Variants in SOX5 observed in about 807,000 individuals in gnomAD.
SOX5 encodes SRY-box transcription factor 5.
In SOX5, 9 loss-of-function variants were observed where a neutral mutation model predicts 92.0. That is an observed-to-expected ratio of 0.10 (90% CI 0.06 to 0.17). The LOEUF is 0.17. Among genes scored for constraint, SOX5 ranks in the 10% least tolerant of loss-of-function variants. SOX5 has a pLI of 1.00. For synonymous variants in SOX5, 344 were observed against 336.3 expected, an observed-to-expected ratio of 1.02 and a Z score of -0.25; for missense variants, 642 against 944.5, an observed-to-expected ratio of 0.68 and a Z score of 4.20.
At chr12:23,906,551 G>C (rs1196062214) in intron 1 of SOX5, among the ~76,000 whole-genome samples, 1 of 152,184 alleles carries the variant, frequency 6.6e-6, no homozygotes, top group Admixed American at 6.5e-5. Flanking sequence ...CAGCGTGAAA[G>C]TGCTCACCTC....
At chr12:23,846,240 G>A (rs376379687) in intron 2 of SOX5, 47 bp from the exon 3 acceptor site, 4 of 1,361,852 alleles carry the variant, frequency 2.9e-6, no homozygotes, top group South Asian at 1.2e-5. Flanking sequence ...CTGAAAGAGA[G>A]AGCAAAAGGA....
rs567178135 is a variant in SOX5, at chr12:24,137,825, C to T, written c.-2+75518G>A. 9.1e-4 allele frequency among the ~76,000 whole-genome samples: 138 copies of T among 152,262 alleles called. 1 individual carries two copies. Among genetic ancestry groups the T allele is most frequent in the African/African-American group, 3.1e-3 (129 of 41,564 alleles). ...GCCTGCAAGAATCAGTAAAAAGACA[C>T]GTAAAGTTCAAAGCAATTGGCCGTA... On this transcript the variant is annotated intron_variant, in intron 4 of 4. Transcript: ENST00000446891.
intron 4 of SOX5, among the ~76,000 whole-genome samples, chr12:24,166,849 T>C (rs1953471922): frequency 6.6e-6 from 1 of 152,192 alleles, no homozygotes; most frequent in Non-Finnish European, 1.5e-5. Context: ...AGTGTTGTCT[T>C]TTTGTCACCT....
At position 23,538,145 on chromosome 12, in the gene SOX5, C is replaced by T. The variant is rs562815009; in HGVS notation, c.1772-1476G>A. Among the ~76,000 whole-genome samples, 7 of 152,180 alleles carry T rather than the reference C, an allele frequency of 4.6e-5. No individual in the cohort carries two copies. In the East Asian group the frequency reaches 1.4e-3, roughly 29 times the overall value. On this transcript the variant is annotated intron_variant, in intron 13 of 14. Coordinates refer to ENST00000451604, the MANE Select transcript of SOX5 (RefSeq NM_006940.6). ...CTTTCGAATGAGTTCATTACTCACC[C>T]GTAACTCCCTATCTTAAATGCAAAT...
At chr12:24,365,211 G>T (rs776362867) in intron 2 of SOX5, among the ~76,000 whole-genome samples, 13 of 152,034 alleles carry the variant, frequency 8.6e-5, no homozygotes, top group Non-Finnish European at 1.8e-4. Context: ...AAAATATCTG[G>T]TAAACAAGGA....
intron 4 of SOX5, among the ~76,000 whole-genome samples, chr12:24,109,165 G>A (rs1156545926): frequency 1.3e-5 from 2 of 152,106 alleles, no homozygotes; most frequent in East Asian, 3.8e-4. Flanking sequence ...TATTTTGAGA[G>A]TATGTCTTTA....
intron 4 of SOX5, among the ~76,000 whole-genome samples, chr12:23,981,196 G>A (rs1949540006): frequency 6.6e-6 from 1 of 151,732 alleles, no homozygotes; most frequent in African/African-American, 2.4e-5. Flanking sequence ...CTCCCTTAGA[G>A]GCCTGCCAAA....
chr12:23,854,691 C>A (rs1356973188), intron 2 of SOX5, among the ~76,000 whole-genome samples: 1 of 152,034 alleles, frequency 6.6e-6, no homozygotes, highest in African/African-American at 2.4e-5. Context: ...ATGGGTTAAG[C>A]ACAGAGAATT....
intron 4 of SOX5, among the ~76,000 whole-genome samples, chr12:24,062,131 A>C (rs764132487): frequency 6.6e-6 from 1 of 152,214 alleles, no homozygotes; most frequent in African/African-American, 2.4e-5. Flanking sequence ...TGACATCCCA[A>C]TAAGATAGTT....
chr12:24,553,462 C>T lies in SOX5; in HGVS notation c.-251+8867G>A, dbSNP rs548485446. On this transcript the variant is annotated intron_variant, in intron 1 of 4. Transcript: ENST00000446891. ...TCCCCATCGTGCAGGGCTGCCTTGA[C>T]TCAATATGAAACTCATCTTGCAAAC... 6.6e-5 allele frequency among the ~76,000 whole-genome samples: 10 copies of T among 152,318 alleles called. No homozygotes were observed. The East Asian group carries it at 1.9e-3, about 29-fold the overall frequency.
At chr12:24,287,082 A>G (rs1373566909) in intron 2 of SOX5, among the ~76,000 whole-genome samples, 1 of 152,138 alleles carries the variant, frequency 6.6e-6, no homozygotes. Flanking sequence ...CTAGTCCCCG[A>G]AGTTCAGGTG....
At chr12:23,877,717 T>A (rs2096943051) in intron 2 of SOX5, among the ~76,000 whole-genome samples, 1 of 152,130 alleles carries the variant, frequency 6.6e-6, no homozygotes, top group African/African-American at 2.4e-5. Flanking sequence ...AATTGCTTTC[T>A]AAATTGATTT....
chr12:23,619,330 T>G (rs547587982), intron 8 of SOX5, among the ~76,000 whole-genome samples: 1 of 152,166 alleles, frequency 6.6e-6, no homozygotes, highest in African/African-American at 2.4e-5. Context: ...GTGAGACATG[T>G]CCATGTCATA....
chr12:23,584,016 C>G (rs749149627), intron 9 of SOX5, among the ~76,000 whole-genome samples: 24 of 152,122 alleles, frequency 1.6e-4, no homozygotes, highest in Non-Finnish European at 2.9e-4. Context: ...TGATCAAATT[C>G]TACTATCATC....
At chr12:23,823,735 G>A (rs996428247) in intron 3 of SOX5, among the ~76,000 whole-genome samples, 8 of 152,106 alleles carry the variant, frequency 5.3e-5, no homozygotes, top group Admixed American at 1.3e-4. Flanking sequence ...TATTCTCCCC[G>A]CCACTTTCAG....
At chr12:23,701,442 C>A (rs184657082) in intron 6 of SOX5, among the ~76,000 whole-genome samples, 1 of 151,974 alleles carries the variant, frequency 6.6e-6, no homozygotes, top group East Asian at 1.9e-4. Flanking sequence ...CTGCAAAATC[C>A]TTTTCTCTCT....
intron 4 of SOX5, among the ~76,000 whole-genome samples, chr12:24,035,211 C>T (rs894145343): frequency 1.3e-5 from 2 of 152,038 alleles, no homozygotes; most frequent in Admixed American, 6.6e-5. Context: ...TGTATTTATG[C>T]CTTACGATTT....
intron 2 of SOX5, among the ~76,000 whole-genome samples, chr12:24,355,428 C>T (rs1029975229): frequency 2.0e-5 from 3 of 150,506 alleles, no homozygotes; most frequent in South Asian, 4.2e-4. Context: ...CTGCCTCAGC[C>T]GGTGAGGGGT....
At chr12:24,159,002 T>C (rs1337882896) in intron 4 of SOX5, among the ~76,000 whole-genome samples, 1 of 151,976 alleles carries the variant, frequency 6.6e-6, no homozygotes, top group African/African-American at 2.4e-5. Flanking sequence ...TAGTAGCCTA[T>C]AAGGATCAAA....
Sources: gnomAD v4.1 joint callset for allele counts (sites outside exome capture counted in the v4.1 genomes callset) on GRCh38, gnomAD v4.1.1 for gene constraint, MANE v1.5 for transcripts, NCBI Gene and HGNC (gene_info 2026-07-23, HGNC 2026-07-21) for gene names.